The following CD200 variants were observed in gnomAD, a reference collection of about 807,000 sequenced individuals.
CD200 encodes CD200 molecule.
In CD200, 15 loss-of-function variants were observed where a neutral mutation model predicts 30.9. The observed-to-expected ratio is 0.49, with a 90% CI of 0.32 to 0.75. The LOEUF (loss-of-function observed/expected upper bound fraction) is 0.75. Ranked by LOEUF, CD200 falls within the 30% of genes least tolerant of loss-of-function variation. The pLI, the probability that CD200 is intolerant of heterozygous loss-of-function variation, is 0.03. For synonymous variants in CD200, 134 were observed against 126.2 expected, an observed-to-expected ratio of 1.06 and a Z score of -0.41; for missense variants, 262 against 324.2, an observed-to-expected ratio of 0.81 and a Z score of 1.47.
At chr3:112,357,177 C>T (rs1441247282) in intron 5 of CD200, among the ~76,000 whole-genome samples, 1 of 147,582 alleles carries the variant, frequency 6.8e-6, no homozygotes, top group African/African-American at 2.5e-5. Context: ...AGGAGAATGG[C>T]GTGAACCCGG....
Position 112,361,683 on chromosome 3 carries a change from A to G in CD200, c.*133A>G, listed in dbSNP as rs2081745112. 3 of 829,840 alleles carry G rather than the reference A, an allele frequency of 3.6e-6. No individual in the cohort carries two copies. Among genetic ancestry groups the G allele is most frequent in the East Asian group, 2.4e-5 (1 of 41,260 alleles). The allele number at this position is 829,840 out of a possible 1,614,324, so 51.4% of individuals were successfully genotyped here. A position where few individuals can be genotyped will look rare whatever the true frequency, so the allele number is the denominator to read the frequency against. ...AGAGGTGGGAGCGAAAGCCTTAAGG[A>G]TCCCACGACTTTTTACTGCCATCTG... On this transcript the variant is annotated 3_prime_UTR_variant, in exon 6 of 6. Transcript: ENST00000315711.
intron 1 of CD200, 108 bp downstream of exon 1, chr3:112,333,332 A>G: frequency 6.8e-7 from 1 of 1,474,468 alleles, no homozygotes; most frequent in Admixed American, 2.3e-5. Context: ...CTCTTGCCAC[A>G]ATCTGGTCCG....
At chr3:112,334,287 G>A (rs950078194) in intron 1 of CD200, 1 of 982,844 alleles carries the variant, frequency 1.0e-6, no homozygotes, top group Non-Finnish European at 1.2e-6. Flanking sequence ...ATAGCTACCA[G>A]GTGGGCAGCT....
At chr3:112,351,413 C>G (rs369267046) in intron 5 of CD200, among the ~76,000 whole-genome samples, 1 of 152,206 alleles carries the variant, frequency 6.6e-6, no homozygotes. Context: ...GCAATCTACT[C>G]AAGCCTGAGG....
chr3:112,353,733 C>T (rs1026781300), intron 5 of CD200, among the ~76,000 whole-genome samples: 2 of 152,132 alleles, frequency 1.3e-5, no homozygotes, highest in Non-Finnish European at 1.5e-5. Context: ...TCAGAAAGCA[C>T]TTTTGCTTCC....
At chr3:112,340,415 T>C (rs1284329247) in intron 1 of CD200, among the ~76,000 whole-genome samples, 1 of 152,224 alleles carries the variant, frequency 6.6e-6, no homozygotes, top group African/African-American at 2.4e-5. Flanking sequence ...GCGGTTTATA[T>C]GTAAGACTTG....
At chr3:112,342,310 CTT>C (rs1559782771) in intron 2 of CD200, among the ~76,000 whole-genome samples, 1,199 of 29,914 alleles carry the variant, frequency 0.04, 139 homozygotes, top group Middle Eastern at 0.15. Context: ...TCCTTCCTTT[CTT>C]CTTTCTTTCT....
At chr3:112,334,406 AT>A (rs35267498) in intron 1 of CD200, 3 of 207,044 alleles carry the variant, frequency 1.4e-5, no homozygotes, top group Non-Finnish European at 2.5e-5. Context: ...TGATCGATTA[AT>A]TTTTTTAGCT....
rs1391800669 is a variant in CD200, at chr3:112,361,927, T to TAA, written c.*378_*379dup. On this transcript the variant is annotated 3_prime_UTR_variant, in exon 6 of 6. Coordinates refer to ENST00000315711, the MANE Select transcript of CD200 (RefSeq NM_005944.7). ...CAAAGTATAAAGGAATTGGACCAAA[T>TAA]AATTTACCACATAGCTCTAAAACTT... The TAA allele has an allele frequency of 4.7e-6, 1 of 214,246 alleles. No homozygotes were observed. The highest frequency in any genetic ancestry group is 2.3e-5 in the African/African-American group (1 of 43,744). The allele number at this position is 214,246 out of a possible 1,614,324, so 13.3% of individuals were successfully genotyped here.
chr3:112,358,092 G>T (rs756743916), intron 5 of CD200, among the ~76,000 whole-genome samples: 1 of 151,862 alleles, frequency 6.6e-6, no homozygotes, highest in African/African-American at 2.4e-5. Flanking sequence ...GCACACACAC[G>T]CACACGCACA....
rs1347119733 is a variant in CD200 at position 112,362,557 on chromosome 3, T to A, written c.*1007T>A. The stretch of plus-strand genomic sequence containing the variant: ...AGAGGAGGCAAATATGAGCATACAA[T>A]CCCTTTGTTCTAAAGATATTGTTCC... On this transcript the variant is annotated 3_prime_UTR_variant, in exon 6 of 6. Coordinates refer to ENST00000315711, the MANE Select transcript of CD200 (RefSeq NM_005944.7). The A allele has an allele frequency of 6.6e-6, 1 of 152,642 alleles. No individual in the cohort carries two copies. The highest frequency in any genetic ancestry group is 1.5e-5 in the Non-Finnish European group (1 of 68,046). The allele number at this position is 152,642 out of a possible 1,614,324, so 9.5% of individuals were successfully genotyped here. A position where few individuals can be genotyped will look rare whatever the true frequency, so the allele number is the denominator to read the frequency against.
intron 5 of CD200, among the ~76,000 whole-genome samples, chr3:112,352,304 A>G (rs544000148): frequency 4.3e-4 from 66 of 152,324 alleles, no homozygotes; most frequent in Non-Finnish European, 8.4e-4. Context: ...TATTTCTACC[A>G]TTAACAAATT....
intron 5 of CD200, among the ~76,000 whole-genome samples, chr3:112,358,907 GAAAA>G (rs2081681154): frequency 6.6e-6 from 1 of 151,354 alleles, no homozygotes; most frequent in Admixed American, 6.6e-5. Context: ...GAGAAAGAAA[GAAAA>G]GTGAGAGGAA....
chr3:112,333,586 G>C, intron 1 of CD200: 7 of 985,404 alleles, frequency 7.1e-6, no homozygotes, highest in Non-Finnish European at 8.4e-6. Flanking sequence ...TCCCAAAACT[G>C]GGGAGGCACA....
chr3:112,355,612 G>A (rs62264130), intron 5 of CD200, among the ~76,000 whole-genome samples: 108 of 152,222 alleles, frequency 7.1e-4, no homozygotes, highest in African/African-American at 9.4e-4. Context: ...TTATCATAAC[G>A]TATTAAACCG....
chr3:112,343,661 A>G (rs552478848), intron 2 of CD200, among the ~76,000 whole-genome samples: 1 of 151,990 alleles, frequency 6.6e-6, no homozygotes, highest in African/African-American at 2.4e-5. Context: ...AATATATTAA[A>G]TTGAAGGTTC....
intron 1 of CD200, chr3:112,334,089 C>G: frequency 1.0e-6 from 1 of 985,256 alleles, no homozygotes; most frequent in Non-Finnish European, 1.2e-6. Flanking sequence ...GGTCTGTGAG[C>G]TACGGTCTAC....
chr3:112,341,996 G>C (rs2081249017), intron 2 of CD200, among the ~76,000 whole-genome samples: 1 of 152,028 alleles, frequency 6.6e-6, no homozygotes, highest in African/African-American at 2.4e-5. Context: ...TTCATTCCCT[G>C]ATATTGTGGG....
chr3:112,353,860 CCAA>C (rs2081580914), intron 5 of CD200, among the ~76,000 whole-genome samples: 2 of 152,116 alleles, frequency 1.3e-5, no homozygotes, highest in Admixed American at 1.3e-4. Flanking sequence ...ATGGCACTAC[CCAA>C]CCCCACCCCA....
Sources: allele counts gnomAD v4.1 joint callset (sites outside exome capture counted in the v4.1 genomes callset), GRCh38; gene constraint gnomAD v4.1.1; transcripts MANE v1.5; gene names NCBI Gene and HGNC (gene_info 2026-07-23, HGNC 2026-07-21).